Variants in PRIM2 observed in about 807,000 individuals in gnomAD.
PRIM2 encodes the protein DNA primase subunit 2, also known as DNA primase large subunit.
In PRIM2, 39 loss-of-function variants were observed where a neutral mutation model predicts 67.3. The ratio of observed to expected loss-of-function variants is 0.58; its 90% CI spans 0.45 to 0.76. The LOEUF (loss-of-function observed/expected upper bound fraction) is 0.76, where lower values mean the gene tolerates loss of function less well. PRIM2 is among the 30% of genes least tolerant of loss of function. The pLI, the probability that PRIM2 is intolerant of heterozygous loss-of-function variation, is 0.00. For synonymous variants in PRIM2, 143 were observed against 198.7 expected, an observed-to-expected ratio of 0.72 and a Z score of 2.36; for missense variants, 398 against 598.7, an observed-to-expected ratio of 0.66 and a Z score of 3.50.
intron 7 of PRIM2, among the ~76,000 whole-genome samples, chr6:57,419,879 G>T (rs1771406008): frequency 6.6e-6 from 1 of 152,116 alleles, no homozygotes; most frequent in African/African-American, 2.4e-5. Flanking sequence ...ATAAGCATAT[G>T]ACTTATACTT....
intron 10 of PRIM2, among the ~76,000 whole-genome samples, chr6:57,539,996 GAA>G (rs1171138513): frequency 1.6e-5 from 2 of 121,532 alleles, no homozygotes; most frequent in Non-Finnish European, 1.8e-5. Context: ...TCCATCTCAA[GAA>G]AAAAAAAAAA....
At chr6:57,354,172 G>T (rs1768948965) in intron 5 of PRIM2, among the ~76,000 whole-genome samples, 1 of 152,126 alleles carries the variant, frequency 6.6e-6, no homozygotes, top group Admixed American at 6.5e-5. Flanking sequence ...AATGGCAAAA[G>T]TGGAAAGAAA....
At chr6:57,591,220 A>AT (rs1776276749) in intron 10 of PRIM2, among the ~76,000 whole-genome samples, 1 of 152,230 alleles carries the variant, frequency 6.6e-6, no homozygotes, top group South Asian at 2.1e-4. Flanking sequence ...AGGGGGCACC[A>AT]TATATTAAAT....
At position 57,364,637 on chromosome 6, in the gene PRIM2, T is replaced by A. The variant is rs62417960; in HGVS notation, c.460-15264T>A. ...GTTCACTCTTTCTCTGAAGATGTTC[T>A]TCGTTTGGGTCTCCAGTTTAATATA... On this transcript the variant is annotated intron_variant, in intron 5 of 13. Coordinates refer to ENST00000615550, the MANE Select transcript of PRIM2 (RefSeq NM_000947.5). 3.7e-3 allele frequency among the ~76,000 whole-genome samples: 560 copies of A among 152,204 alleles called. 2 individuals are homozygous for A. Among genetic ancestry groups the A allele is most frequent in the African/African-American group, 0.013 (528 of 41,498 alleles).
intron 10 of PRIM2, among the ~76,000 whole-genome samples, chr6:57,571,562 A>G (rs1471986507): frequency 2.0e-5 from 3 of 152,136 alleles, no homozygotes; most frequent in Non-Finnish European, 2.9e-5. Flanking sequence ...AGGTGGGAGA[A>G]TTGCTTCCAC....
chr6:57,474,690 G>C (rs1304138960), intron 7 of PRIM2, among the ~76,000 whole-genome samples: 3 of 152,106 alleles, frequency 2.0e-5, no homozygotes, highest in African/African-American at 7.2e-5. Flanking sequence ...GGTGTTGCCA[G>C]TGTGAGACTA....
At chr6:57,226,006 C>T in the PRIM2 span, among the ~76,000 whole-genome samples, 5 of 151,884 alleles carry the variant, frequency 3.3e-5, no homozygotes, top group African/African-American at 1.2e-4. Flanking sequence ...TCTTAGTATC[C>T]TCATCTATAG....
At chr6:57,531,555 T>C (rs1774892404) in intron 8 of PRIM2, among the ~76,000 whole-genome samples, 2 of 152,202 alleles carry the variant, frequency 1.3e-5, no homozygotes, top group Non-Finnish European at 2.9e-5. Flanking sequence ...GTGTGTTGTG[T>C]GAAGGAGGTC....
the PRIM2 span, among the ~76,000 whole-genome samples, chr6:57,274,943 A>ATTTTTTTTTTTTTTTT: frequency 2.9e-5 from 4 of 137,388 alleles, no homozygotes; most frequent in African/African-American, 1.1e-4. Context: ...CACCTGGCTA[A>ATTTTTTTTTTTTTTTT]TTTTTTTTTT....
At chr6:57,306,399 C>T in the PRIM2 span, among the ~76,000 whole-genome samples, 3 of 152,118 alleles carry the variant, frequency 2.0e-5, no homozygotes, top group South Asian at 4.2e-4. Context: ...AGGTGACTCC[C>T]GACCATGTCA....
At chr6:57,314,112 A>G (rs544057633), upstream of PRIM2, among the ~76,000 whole-genome samples, 49 of 152,360 alleles carry the variant, frequency 3.2e-4, no homozygotes, top group Admixed American at 1.4e-3. Flanking sequence ...TAATGTTTTC[A>G]GATGAGGACT....
intron 7 of PRIM2, among the ~76,000 whole-genome samples, chr6:57,413,434 A>G (rs1200870592): frequency 6.6e-6 from 1 of 151,708 alleles, no homozygotes; most frequent in Non-Finnish European, 1.5e-5. Context: ...CCATTGACCG[A>G]AATATGTATT....
chr6:57,524,467 C>T (rs1554349179), intron 8 of PRIM2, among the ~76,000 whole-genome samples: 3 of 152,014 alleles, frequency 2.0e-5, no homozygotes, highest in African/African-American at 4.8e-5. Context: ...TTTGGGAGGC[C>T]GAGGCGGGCT....
chr6:57,531,864 G>A (rs1416497384), intron 8 of PRIM2, among the ~76,000 whole-genome samples: 2 of 152,214 alleles, frequency 1.3e-5, no homozygotes, highest in African/African-American at 2.4e-5. Flanking sequence ...ACTGTAAAAT[G>A]CTATTCAGAT....
chr6:57,427,317 G>A (rs1435618685), intron 7 of PRIM2, among the ~76,000 whole-genome samples: 1 of 152,036 alleles, frequency 6.6e-6, no homozygotes, highest in African/African-American at 2.4e-5. Flanking sequence ...ATTTTAACTG[G>A]GTTATTCAAT....
the PRIM2 span, among the ~76,000 whole-genome samples, chr6:57,305,326 A>T: frequency 6.6e-6 from 1 of 152,216 alleles, no homozygotes; most frequent in African/African-American, 2.4e-5. Context: ...ATCTGGAATT[A>T]GGGATAAGTA....
chr6:57,642,435 C>CTTTTTTTTTTTTTTTTTTTTTTT (rs1156576933), intron 13 of PRIM2, among the ~76,000 whole-genome samples: 2 of 83,184 alleles, frequency 2.4e-5, no homozygotes, highest in East Asian at 4.0e-4. Flanking sequence ...AATATTATAT[C>CTTTTTTTTTTTTTTTTTTTTTTT]TTTTTTTTTT....
intron 3 of PRIM2, 77 bp downstream of exon 3, chr6:57,320,637 T>C: frequency 1.1e-6 from 1 of 887,986 alleles, no homozygotes; most frequent in South Asian, 1.6e-5. Flanking sequence ...GGAAAGATAT[T>C]ATATTAGGCA....
intron 5 of PRIM2, among the ~76,000 whole-genome samples, chr6:57,365,895 G>T (rs1223417135): frequency 1.6e-5 from 2 of 126,988 alleles, no homozygotes; most frequent in African/African-American, 6.1e-5. Flanking sequence ...GAGCTTGGGA[G>T]ATCAAGGCTG....
Sources: allele counts gnomAD v4.1 joint callset (sites outside exome capture counted in the v4.1 genomes callset), GRCh38; gene constraint gnomAD v4.1.1; transcripts MANE v1.5; gene names NCBI Gene and HGNC (gene_info 2026-07-23, HGNC 2026-07-21).